GMDS: variants seen among roughly 807,000 people sequenced by gnomAD.
GMDS encodes the protein GDP-mannose 4,6-dehydratase.
In GMDS, 20 loss-of-function variants were observed where a neutral mutation model predicts 49.9. That is an observed-to-expected ratio of 0.40 (90% CI 0.28 to 0.58). GMDS has a LOEUF of 0.58. Among genes scored for constraint, GMDS ranks in the 20% least tolerant of loss-of-function variants. The pLI is 0.42. For missense variants in GMDS, 362 were observed against 481.4 expected, an observed-to-expected ratio of 0.75 and a Z score of 2.32; for synonymous variants, 177 against 178.6, an observed-to-expected ratio of 0.99 and a Z score of 0.07.
At chr6:1,769,944 C>T (rs1341605658) in intron 7 of GMDS, among the ~76,000 whole-genome samples, 1 of 152,134 alleles carries the variant, frequency 6.6e-6, no homozygotes, top group Non-Finnish European at 1.5e-5. Context: ...CCAGGCTGGT[C>T]CCAAACTCCT....
intron 9 of GMDS, among the ~76,000 whole-genome samples, chr6:1,655,620 C>T (rs1355910360): frequency 6.6e-6 from 1 of 152,110 alleles, no homozygotes; most frequent in African/African-American, 2.4e-5. Flanking sequence ...TCTCCCGCCT[C>T]AGCCTCCTGA....
At chr6:2,239,416 C>A (rs1561682955) in intron 1 of GMDS, among the ~76,000 whole-genome samples, 1 of 151,880 alleles carries the variant, frequency 6.6e-6, no homozygotes, top group Non-Finnish European at 1.5e-5. Context: ...TGCATAATTT[C>A]TCTATTGTAC....
intron 9 of GMDS, chr6:1,679,971 G>C (rs1450314671): frequency 6.6e-6 from 1 of 152,176 alleles, no homozygotes; most frequent in East Asian, 1.9e-4. Flanking sequence ...ATAAAAGATT[G>C]ACAATGAAAT....
chr6:1,856,966 A>G (rs764514115), intron 7 of GMDS, among the ~76,000 whole-genome samples: 8 of 152,228 alleles, frequency 5.3e-5, no homozygotes, highest in Admixed American at 2.0e-4. Flanking sequence ...CACACTTATC[A>G]TCTAAGAAAC....
intron 4 of GMDS, among the ~76,000 whole-genome samples, chr6:2,027,973 T>C (rs1052221577): frequency 6.6e-6 from 1 of 152,126 alleles, no homozygotes; most frequent in Non-Finnish European, 1.5e-5. Flanking sequence ...TGTCTATAGT[T>C]CTTTGAACAA....
chr6:1,725,274 A>G (rs939356156), intron 9 of GMDS, among the ~76,000 whole-genome samples: 2 of 152,252 alleles, frequency 1.3e-5, no homozygotes, highest in African/African-American at 4.8e-5. Context: ...CATTAAAGCA[A>G]TAACAGCAAG....
At chr6:2,168,188 A>C (rs933362063) in intron 1 of GMDS, among the ~76,000 whole-genome samples, 46 of 152,178 alleles carry the variant, frequency 3.0e-4, no homozygotes, top group African/African-American at 1.1e-3. Flanking sequence ...CCTCAGAAGG[A>C]AAGATGTGTT....
rs574719590 is a variant in GMDS at position 1,965,074 on chromosome 6, T to C, written c.346-4108A>G. On this transcript the variant is annotated intron_variant, in intron 4 of 10. Transcript: ENST00000380815. ...ATTTTCTTAATCCAGTCTATCGTTG[T>C]TCCAGGTCTTTGGGTTAGTTCCAGG... Among the ~76,000 whole-genome samples, 116 of 95,190 alleles carry C rather than the reference T, an allele frequency of 1.2e-3. 1 individual carries two copies. The highest frequency in any genetic ancestry group is 4.0e-3 in the African/African-American group (107 of 26,970). The allele number at this position is 95,190 out of a possible 152,430, so 62.4% of individuals were successfully genotyped here. A position where few individuals can be genotyped will look rare whatever the true frequency, so the allele number is the denominator to read the frequency against.
chr6:2,139,366 G>A (rs1338222850), intron 1 of GMDS, among the ~76,000 whole-genome samples: 2 of 152,212 alleles, frequency 1.3e-5, no homozygotes, highest in Non-Finnish European at 2.9e-5. Flanking sequence ...GATTGGTAGT[G>A]TGTTTATGTA....
chr6:2,091,009 GA>G (rs1262560851), intron 4 of GMDS, among the ~76,000 whole-genome samples: 1 of 152,182 alleles, frequency 6.6e-6, no homozygotes, highest in Non-Finnish European at 1.5e-5. Flanking sequence ...CTCGTGGGGG[GA>G]GTTTATCTCA....
intron 4 of GMDS, among the ~76,000 whole-genome samples, chr6:1,986,306 C>T (rs1043470382): frequency 3.9e-5 from 6 of 152,080 alleles, no homozygotes; most frequent in Non-Finnish European, 8.8e-5. Flanking sequence ...GTACCAGTGC[C>T]GTCTGGACAA....
intron 7 of GMDS, among the ~76,000 whole-genome samples, chr6:1,790,421 C>A (rs1316036963): frequency 1.3e-5 from 2 of 152,148 alleles, no homozygotes; most frequent in African/African-American, 2.4e-5. Context: ...TGTAGAGAGG[C>A]TGAGTAACTT....
At chr6:1,655,392 T>G (rs555821847) in intron 9 of GMDS, among the ~76,000 whole-genome samples, 1 of 152,172 alleles carries the variant, frequency 6.6e-6, no homozygotes, top group South Asian at 2.1e-4. Flanking sequence ...TGCACTGACA[T>G]GTATATATTC....
At chr6:2,171,028 T>C (rs779048419) in intron 1 of GMDS, among the ~76,000 whole-genome samples, 1 of 152,142 alleles carries the variant, frequency 6.6e-6, no homozygotes, top group East Asian at 1.9e-4. Context: ...AAAACAAGTA[T>C]GTATCAGACT....
At chr6:1,669,997 TGG>T (rs1230704872) in intron 9 of GMDS, among the ~76,000 whole-genome samples, 1 of 146,576 alleles carries the variant, frequency 6.8e-6, no homozygotes, top group Admixed American at 6.8e-5. Flanking sequence ...AGGGCTTCCT[TGG>T]GAATGCAGGT....
intron 6 of GMDS, among the ~76,000 whole-genome samples, chr6:1,943,187 T>A (rs1762901780): frequency 6.6e-6 from 1 of 152,200 alleles, no homozygotes; most frequent in African/African-American, 2.4e-5. Context: ...CACAGGTGTC[T>A]TCTCCTTCTC....
intron 7 of GMDS, among the ~76,000 whole-genome samples, chr6:1,905,639 G>GTCCCTGAGAAGGA (rs1207939302): frequency 4.7e-4 from 64 of 135,758 alleles, no homozygotes; most frequent in African/African-American, 6.6e-4. Flanking sequence ...ATCTGCATGT[G>GTCCCTGAGAAGGA]GGGCCAGCAC....
At chr6:1,828,842 G>T (rs1466188610) in intron 7 of GMDS, among the ~76,000 whole-genome samples, 1 of 152,080 alleles carries the variant, frequency 6.6e-6, no homozygotes, top group Non-Finnish European at 1.5e-5. Flanking sequence ...TAACATGGAG[G>T]GTTAGGGGTG....
chr6:2,138,160 CA>C (rs1240539929), intron 1 of GMDS, among the ~76,000 whole-genome samples: 1 of 152,142 alleles, frequency 6.6e-6, no homozygotes, highest in African/African-American at 2.4e-5. Flanking sequence ...AAAATTACAA[CA>C]TTTATTTATA....
Sources: allele counts gnomAD v4.1 joint callset (sites outside exome capture counted in the v4.1 genomes callset), GRCh38; gene constraint gnomAD v4.1.1; transcripts MANE v1.5; gene names NCBI Gene and HGNC (gene_info 2026-07-23, HGNC 2026-07-21).